The following PPP1R9A variants were observed in gnomAD, a reference collection of about 807,000 sequenced individuals.
PPP1R9A encodes the protein protein phosphatase 1 regulatory subunit 9A.
In PPP1R9A, 59 loss-of-function variants were observed where a neutral mutation model predicts 141.9. The ratio of observed to expected loss-of-function variants is 0.42; its 90% CI spans 0.34 to 0.52. The LOEUF (loss-of-function observed/expected upper bound fraction) is 0.52, where lower values mean the gene tolerates loss of function less well. PPP1R9A is among the 20% of genes least tolerant of loss of function. PPP1R9A has a pLI of 0.10. For missense variants in PPP1R9A, 1,444 were observed against 1,611.9 expected, an observed-to-expected ratio of 0.90 and a Z score of 1.78; for synonymous variants, 500 against 569.7, an observed-to-expected ratio of 0.88 and a Z score of 1.74.
intron 2 of PPP1R9A, among the ~76,000 whole-genome samples, chr7:95,065,504 T>A (rs968701620): frequency 3.9e-5 from 6 of 152,238 alleles, no homozygotes; most frequent in African/African-American, 1.4e-4. Context: ...TTACTTTTTT[T>A]AAAAAAGGAA....
chr7:95,157,587 G>C (rs1829836691), intron 4 of PPP1R9A, among the ~76,000 whole-genome samples: 1 of 152,212 alleles, frequency 6.6e-6, no homozygotes, highest in Non-Finnish European at 1.5e-5. Context: ...CCCTGCTGCA[G>C]TCGGCGTGAT....
At chr7:95,071,910 G>A (rs1020559116) in intron 2 of PPP1R9A, among the ~76,000 whole-genome samples, 4 of 151,538 alleles carry the variant, frequency 2.6e-5, no homozygotes, top group East Asian at 3.9e-4. Context: ...CTAAAAGATC[G>A]TATTTTATCT....
chr7:95,110,646 G>C (rs954042929), intron 2 of PPP1R9A, among the ~76,000 whole-genome samples: 1 of 152,132 alleles, frequency 6.6e-6, no homozygotes, highest in Admixed American at 6.5e-5. Flanking sequence ...GAAATAAACA[G>C]CTTCAATATC....
intron 2 of PPP1R9A, among the ~76,000 whole-genome samples, chr7:95,017,104 G>A (rs1212288834): frequency 6.6e-6 from 1 of 152,102 alleles, no homozygotes; most frequent in East Asian, 1.9e-4. Flanking sequence ...CTAGAAGAGG[G>A]AAGGAAGAAT....
chr7:95,060,859 T>C (rs1409146481), intron 2 of PPP1R9A, among the ~76,000 whole-genome samples: 1 of 152,206 alleles, frequency 6.6e-6, no homozygotes, highest in Non-Finnish European at 1.5e-5. Flanking sequence ...ATAACCTGAC[T>C]ATACAGTCTC....
chr7:95,166,948 T>C (rs1039893156), intron 5 of PPP1R9A, among the ~76,000 whole-genome samples: 1 of 152,152 alleles, frequency 6.6e-6, no homozygotes, highest in Non-Finnish European at 1.5e-5. Flanking sequence ...AAAAAACATT[T>C]GATAAAATTC....
chr7:95,077,242 G>T (rs1814993726), intron 2 of PPP1R9A, among the ~76,000 whole-genome samples: 1 of 151,838 alleles, frequency 6.6e-6, no homozygotes, highest in African/African-American at 2.4e-5. Context: ...TTTGTTTTCT[G>T]GTTTTCGCTT....
intron 9 of PPP1R9A, among the ~76,000 whole-genome samples, chr7:95,249,641 T>C (rs1798599775): frequency 6.6e-6 from 1 of 152,070 alleles, no homozygotes; most frequent in Admixed American, 6.6e-5. Context: ...ACTCCCTTTT[T>C]AGTTAATTTT....
At chr7:94,945,773 C>T (rs750493255) in intron 2 of PPP1R9A, among the ~76,000 whole-genome samples, 7 of 151,736 alleles carry the variant, frequency 4.6e-5, no homozygotes, top group Non-Finnish European at 7.4e-5. Context: ...ATGCCCAAAG[C>T]GGGATAGAAA....
upstream of PPP1R9A, chr7:94,907,568 G>T (rs1412429701): frequency 6.6e-6 from 1 of 152,200 alleles, no homozygotes; most frequent in Admixed American, 6.5e-5. Context: ...GGCCGAGGGG[G>T]TGGGGCGGCC....
At chr7:95,092,907 C>G (rs1037763468) in intron 2 of PPP1R9A, among the ~76,000 whole-genome samples, 2 of 152,128 alleles carry the variant, frequency 1.3e-5, no homozygotes, top group African/African-American at 4.8e-5. Flanking sequence ...TTAATTCTCT[C>G]CTGTATTAAA....
Position 95,245,066 on chromosome 7 carries a change from T to C in PPP1R9A, c.2113-2407T>C, listed in dbSNP as rs747228681. ...AAGAACAAGAAGTATATCTTGTCAA[T>C]AGCGATTGCAAATCCTATAAAATCA... On this transcript the variant is annotated intron_variant, in intron 8 of 19. Coordinates refer to ENST00000433360, the MANE Select transcript of PPP1R9A (RefSeq NM_001166160.2). Among the ~76,000 whole-genome samples the C allele has an allele frequency of 2.0e-5, 3 of 152,198 alleles. 1 individual carries two copies. The highest frequency in any genetic ancestry group is 1.5e-5 in the Non-Finnish European group (1 of 68,032).
chr7:95,102,156 TG>T (rs1818876694), intron 2 of PPP1R9A, among the ~76,000 whole-genome samples: 1 of 152,102 alleles, frequency 6.6e-6, no homozygotes, highest in African/African-American at 2.4e-5. Context: ...ACTAGCAGAG[TG>T]GTAAAATTAA....
At chr7:95,019,337 C>T (rs1052578498) in intron 2 of PPP1R9A, among the ~76,000 whole-genome samples, 8 of 152,102 alleles carry the variant, frequency 5.3e-5, no homozygotes, top group East Asian at 1.9e-4. Context: ...GAGCCCAGAT[C>T]GCAACACTGC....
chr7:95,022,125 T>C (rs1806057960), intron 2 of PPP1R9A, among the ~76,000 whole-genome samples: 1 of 152,230 alleles, frequency 6.6e-6, no homozygotes, highest in African/African-American at 2.4e-5. Context: ...TTTCCATTTG[T>C]GTGTGTCCTC....
At chr7:95,262,080 G>A (rs1056102392) in intron 12 of PPP1R9A, among the ~76,000 whole-genome samples, 2 of 152,030 alleles carry the variant, frequency 1.3e-5, no homozygotes, top group Non-Finnish European at 2.9e-5. Flanking sequence ...AGCATGCTTG[G>A]GGTTACCTAA....
intron 2 of PPP1R9A, among the ~76,000 whole-genome samples, chr7:95,092,235 A>G (rs1817453423): frequency 6.6e-6 from 1 of 152,136 alleles, no homozygotes; most frequent in Admixed American, 6.5e-5. Context: ...CAGCTGATGG[A>G]TATACTTTTA....
At chr7:95,203,114 T>C (rs1463192648) in intron 6 of PPP1R9A, among the ~76,000 whole-genome samples, 1 of 152,120 alleles carries the variant, frequency 6.6e-6, no homozygotes, top group Non-Finnish European at 1.5e-5. Flanking sequence ...TTTCATAATT[T>C]GTTTTCATTA....
chr7:94,909,863 A>G (rs1321108754), intron 1 of PPP1R9A, 35 bp from the exon 2 acceptor site: 2 of 347,138 alleles, frequency 5.8e-6, no homozygotes, highest in Non-Finnish European at 1.0e-5. Flanking sequence ...TCAAATAAGT[A>G]AATGAATTCA....
Sources: allele counts gnomAD v4.1 joint callset (sites outside exome capture counted in the v4.1 genomes callset), GRCh38; gene constraint gnomAD v4.1.1; transcripts MANE v1.5; gene names NCBI Gene and HGNC (gene_info 2026-07-23, HGNC 2026-07-21).